Variants in OSMR observed in about 807,000 individuals in gnomAD.
OSMR encodes oncostatin-M-specific receptor subunit beta.
In OSMR, 81 loss-of-function variants were observed where a neutral mutation model predicts 99.9. The ratio of observed to expected loss-of-function variants is 0.81; its 90% CI spans 0.68 to 0.97. The LOEUF is 0.97. Ranked by LOEUF, OSMR falls within the 50% of genes least tolerant of loss-of-function variation. The pLI is 0.00. For synonymous variants in OSMR, 406 were observed against 410.4 expected (o/e 0.99, Z 0.13); for missense variants, 1,099 against 1,153.4 (o/e 0.95, Z 0.68).
chr5:38,856,865 C>G (rs1740895543), intron 1 of OSMR, among the ~76,000 whole-genome samples: 1 of 152,168 alleles, frequency 6.6e-6, no homozygotes, highest in African/African-American at 2.4e-5. Context: ...TGGTCTGGAA[C>G]TCCTGGCCTC....
At chr5:38,893,998 C>T (rs1314524127) in intron 7 of OSMR, among the ~76,000 whole-genome samples, 2 of 152,160 alleles carry the variant, frequency 1.3e-5, no homozygotes, top group African/African-American at 4.8e-5. Flanking sequence ...ACCTTACAAG[C>T]CAGAAGAGAT....
chr5:38,865,397 AT>A (rs1579652325), intron 1 of OSMR, among the ~76,000 whole-genome samples: 2 of 151,994 alleles, frequency 1.3e-5, no homozygotes, highest in African/African-American at 4.8e-5. Context: ...ATAGGGAAAA[AT>A]TTTTTTCCTA....
At chr5:38,936,090 T>C (rs768829693), downstream of OSMR, among the ~76,000 whole-genome samples, 5 of 152,218 alleles carry the variant, frequency 3.3e-5, no homozygotes, top group African/African-American at 1.2e-4. Flanking sequence ...TACATATTCA[T>C]GTGTCAGGAA....
At chr5:38,891,259 C>T (rs1053123526) in intron 7 of OSMR, among the ~76,000 whole-genome samples, 1 of 152,178 alleles carries the variant, frequency 6.6e-6, no homozygotes, top group African/African-American at 2.4e-5. Flanking sequence ...GCAGACCAAA[C>T]AGTCTGATTT....
chr5:38,860,508 G>C (rs1741204732), intron 1 of OSMR, among the ~76,000 whole-genome samples: 1 of 152,128 alleles, frequency 6.6e-6, no homozygotes, highest in African/African-American at 2.4e-5. Context: ...ATGTTCATCA[G>C]GGATATTGGC....
In OSMR at chr5:38,925,350, G is replaced by A. The variant is rs779895076; in HGVS notation, c.2191G>A (p.Val731Ile). The A allele has an allele frequency of 5.0e-5, 81 of 1,613,864 alleles. No homozygotes were observed. Among genetic ancestry groups the A allele is most frequent in the Non-Finnish European group, 6.6e-5 (78 of 1,179,906 alleles). The change falls in exon 15 of 18, where the codon GTC becomes ATC. Residue 731 changes from valine to isoleucine, a missense_variant. Transcript: ENST00000274276. ...AGGCCCCAGTGCTACGTTCACGAAG[G>A]TCACGACTCCGGATGAACACTGTGA... ...GEGPSATFTK[V>I]TTPDEHSSML... is the part of the protein sequence containing the mutation.
intron 1 of OSMR, among the ~76,000 whole-genome samples, chr5:38,862,002 C>T (rs1177900894): frequency 0.01 from 1,102 of 107,032 alleles, 13 homozygotes; most frequent in Admixed American, 0.015. Context: ...CCGGACGGGG[C>T]GGCTGGCCGG....
Position 38,904,260 on chromosome 5 carries a change from G to A in OSMR, c.1135-93G>A, listed in dbSNP as rs576204692. The A allele has an allele frequency of 2.0e-3, 3,060 of 1,549,146 alleles. 43 individuals carry two copies. Among genetic ancestry groups the A allele is most frequent in the South Asian group, 0.019 (1,623 of 83,758 alleles). ...CTTACTCCAGGTCAGGATTTGCTGT[G>A]CTCTGGTTTGCCTTTGTAATGGGAT... On this transcript the variant is annotated intron_variant, in intron 8 of 17. Coordinates refer to ENST00000274276, the MANE Select transcript of OSMR (RefSeq NM_003999.3).
At chr5:38,878,012 C>T (rs1742977015) in intron 3 of OSMR, among the ~76,000 whole-genome samples, 1 of 152,090 alleles carries the variant, frequency 6.6e-6, no homozygotes, top group Non-Finnish European at 1.5e-5. Context: ...CCTCACAACA[C>T]CCAACCCAGC....
Position 38,904,005 on chromosome 5 carries a change from G to A in OSMR, c.1115G>A (p.Gly372Asp), listed in dbSNP as rs567293590. The change falls in exon 8 of 18, where the codon GGT becomes GAT. Residue 372 changes from glycine (G) to aspartate (D), a missense_variant. Gly to Asp is a moderately conservative substitution (Grantham distance 94). Coordinates refer to ENST00000274276, the MANE Select transcript of OSMR (RefSeq NM_003999.3). ...TATTTGTGTCAGATTGAACTCCATG[G>A]TGAAGGAAAAATGATGCAAGTAAGA... ...FTYLCQIELHGEGKMMQYNVS... is the reference protein window; with the variant it reads ...FTYLCQIELHDEGKMMQYNVS... 1.2e-6 allele frequency: 2 copies of A among 1,613,928 alleles called. No individual in the cohort carries two copies. Among genetic ancestry groups the A allele is most frequent in the Non-Finnish European group, 1.7e-6 (2 of 1,180,012 alleles).
chr5:38,859,466 T>C (rs1435369370), intron 1 of OSMR, among the ~76,000 whole-genome samples: 1 of 152,200 alleles, frequency 6.6e-6, no homozygotes, highest in East Asian at 1.9e-4. Context: ...ATGTGTCTGT[T>C]TTTATACCAA....
At chr5:38,873,431 A>G (rs886839400) in intron 2 of OSMR, among the ~76,000 whole-genome samples, 6 of 152,172 alleles carry the variant, frequency 3.9e-5, no homozygotes, top group African/African-American at 7.2e-5. Flanking sequence ...CCTGCTTTCA[A>G]TTCTTTGGGA....
intron 1 of OSMR, chr5:38,940,647 T>C: frequency 4.3e-6 from 1 of 232,952 alleles, no homozygotes; most frequent in Non-Finnish European, 8.5e-6. Flanking sequence ...ATCTGCTTTG[T>C]TATAATGTAA....
intron 11 of OSMR, 192 bp downstream of exon 11, chr5:38,919,254 G>A (rs1310245988): frequency 6.6e-7 from 1 of 1,517,542 alleles, no homozygotes; most frequent in Non-Finnish European, 8.8e-7. Flanking sequence ...GTGGGGAGAA[G>A]GAGACTTCAG....
intron 2 of OSMR, among the ~76,000 whole-genome samples, chr5:38,870,330 C>CTTTTTTTTT: frequency 8.7e-6 from 1 of 115,140 alleles, no homozygotes; most frequent in Non-Finnish European, 1.7e-5. Flanking sequence ...GAATGATTTT[C>CTTTTTTTTT]TTTTTTTTTT....
At chr5:38,940,244 G>T (rs147795288), downstream of OSMR, 2,513 of 228,258 alleles carry the variant, frequency 0.011, 23 homozygotes, top group South Asian at 0.038. Context: ...TGGGGGAGGG[G>T]GTGTGTGTGT....
chr5:38,852,687 C>T (rs1479884123), intron 1 of OSMR, among the ~76,000 whole-genome samples: 1 of 118,524 alleles, frequency 8.4e-6, no homozygotes, highest in Non-Finnish European at 1.8e-5. Context: ...AGGGATAGCT[C>T]TTTGTGATAC....
chr5:38,943,027 C>T, intron 1 of OSMR: 1 of 1,323,136 alleles, frequency 7.6e-7, no homozygotes, highest in East Asian at 2.3e-5. Context: ...ATCTATTTTT[C>T]CTCCAAGGTA....
rs1746934798 is a variant in OSMR at position 38,934,677 on chromosome 5, A to ATATT, written c.*1235_*1238dup. On this transcript the variant is annotated 3_prime_UTR_variant, in exon 18 of 18. Coordinates refer to ENST00000274276, the MANE Select transcript of OSMR (RefSeq NM_003999.3). The stretch of plus-strand genomic sequence containing the variant: ...ATGCTACCACACCTGACTAGTTTTT[A>ATATT]TATTTTTAGTAGAGATTGGGTTTTA... 1 of 151,642 alleles carries ATATT rather than the reference A, an allele frequency of 6.6e-6. No individual in the cohort carries two copies. The highest frequency in any genetic ancestry group is 2.4e-5 in the African/African-American group (1 of 41,236). 9.4% of individuals were successfully genotyped at this position (151,642 alleles called of 1,614,324 possible).
Sources: allele counts gnomAD v4.1 joint callset (sites outside exome capture counted in the v4.1 genomes callset), GRCh38; gene constraint gnomAD v4.1.1; transcripts MANE v1.5; gene names NCBI Gene and HGNC (gene_info 2026-07-23, HGNC 2026-07-21).